The following FN3K variants were observed in gnomAD, a reference collection of about 807,000 sequenced individuals.
FN3K encodes the protein fructosamine 3 kinase, also known as fructosamine-3-kinase.
A neutral mutation model predicts 24.8 loss-of-function variants in FN3K; 24 were observed. The observed-to-expected ratio is 0.97, with a 90% confidence interval of 0.70 to 1.36. The LOEUF is 1.36. Among genes scored for constraint, FN3K ranks in the 40% most tolerant of loss-of-function variants. The probability of loss-of-function intolerance (pLI) is 0.00; values close to 1 mark genes in which losing one functional copy is unlikely to be tolerated. For missense variants in FN3K, 449 were observed against 416.7 expected (o/e 1.08, Z -0.67); for synonymous variants, 192 against 175.2 (o/e 1.10, Z -0.76).
intron 4 of FN3K, chr17:82,742,576 T>C (rs1452015565): frequency 2.6e-6 from 1 of 388,746 alleles, no homozygotes; most frequent in Non-Finnish European, 5.1e-6. Context: ...CTGAATAATA[T>C]TCCATTCTAT....
intron 4 of FN3K, among the ~76,000 whole-genome samples, chr17:82,744,414 G>A (rs1006997402): frequency 4.9e-4 from 75 of 152,154 alleles, no homozygotes; most frequent in African/African-American, 1.3e-3. Flanking sequence ...AAGGTTCCTC[G>A]TGCCCTTCCC....
At chr17:82,748,547 T>A (rs536523034) in intron 4 of FN3K, among the ~76,000 whole-genome samples, 1 of 152,272 alleles carries the variant, frequency 6.6e-6, no homozygotes, top group African/African-American at 2.4e-5. Context: ...CATAACTTAT[T>A]GTTGGATTTG....
intron 4 of FN3K, chr17:82,742,775 T>A (rs1293483029): frequency 1.1e-5 from 5 of 448,936 alleles, no homozygotes; most frequent in African/African-American, 2.0e-5. Context: ...GCACCCATTA[T>A]ATAAGAGCTA....
chr17:82,741,443 A>G (rs2046941031), intron 4 of FN3K, 50 bp downstream of exon 4: 1 of 1,490,304 alleles, frequency 6.7e-7, no homozygotes, highest in African/African-American at 1.4e-5. Flanking sequence ...CTGGTCACCC[A>G]CTCTTTATAT....
At chr17:82,743,594 G>T (rs1276875734) in intron 4 of FN3K, among the ~76,000 whole-genome samples, 1 of 148,558 alleles carries the variant, frequency 6.7e-6, no homozygotes, top group Non-Finnish European at 1.5e-5. Context: ...CAGCTGGGTC[G>T]GCTGTGGTGC....
chr17:82,751,046 C>G lies in FN3K; in HGVS notation c.*291C>G, dbSNP rs1251030985. On this transcript the variant is annotated 3_prime_UTR_variant, in exon 6 of 6. Transcript: ENST00000300784. ...CGTCCCCCCTGCCCCGTCCCCGTCTCCGTTCCCCCGTCCCCATCCTCCATC... is the reference window on the plus strand; with the variant it reads ...CGTCCCCCCTGCCCCGTCCCCGTCTGCGTTCCCCCGTCCCCATCCTCCATC... The G allele has an allele frequency of 5.9e-4, 56 of 94,184 alleles. No homozygotes were observed. The African/African-American group carries it at 0.01, about 17-fold the overall frequency. The allele number at this position is 94,184 out of a possible 1,614,324, so 5.8% of individuals were successfully genotyped here. A position where few individuals can be genotyped will look rare whatever the true frequency, so the allele number is the denominator to read the frequency against.
rs2046937765 is a variant in FN3K at position 82,740,928 on chromosome 17, C to G, written c.385+74C>G. 3 of 977,802 alleles carry G rather than the reference C, an allele frequency of 3.1e-6. No individual in the cohort carries two copies. The East Asian group carries it at 7.2e-5, about 23-fold the overall frequency. The allele number at this position is 977,802 out of a possible 1,614,324, so 60.6% of individuals were successfully genotyped here. On this transcript the variant is annotated intron_variant, in intron 3 of 5. Coordinates refer to ENST00000300784, the MANE Select transcript of FN3K (RefSeq NM_022158.4). ...CCCTAGATGGGTGCTCATGGTACTT[C>G]TTGGTGGCATTTCAATAATAGGTTG...
chr17:82,748,296 C>T (rs55692131), intron 4 of FN3K, among the ~76,000 whole-genome samples: 27,414 of 151,856 alleles, frequency 0.18, 2,977 homozygotes, highest in South Asian at 0.29. Flanking sequence ...TACAGGCCCA[C>T]GCCACCATGC....
At chr17:82,737,636 C>G (rs2046910745) in intron 1 of FN3K, 1 of 152,018 alleles carries the variant, frequency 6.6e-6, no homozygotes, top group Admixed American at 6.6e-5. Flanking sequence ...AACTCCATCT[C>G]TAGTAAAAAT....
At chr17:82,736,122 C>A in intron 1 of FN3K, 1 of 278,766 alleles carries the variant, frequency 3.6e-6, no homozygotes, top group Non-Finnish European at 6.8e-6. Flanking sequence ...GGGAAAGAAG[C>A]AGAGACATGG....
chr17:82,748,863 G>A lies in FN3K; in HGVS notation c.477G>A (p.Glu159=). ...TCCGFIPQVN[E]WQDDWPTFFA... is the part of the protein sequence containing the mutation. ...TTTCCCTTGTTGTCCAGGTGAATGA[G>A]TGGCAGGATGACTGGCCGACCTTTT... Residue 159 remains glutamate, a synonymous_variant, in exon 5 of 6, where the codon GAG becomes GAA. Transcript: ENST00000300784. 5 of 1,612,440 alleles carry A rather than the reference G, an allele frequency of 3.1e-6. No individual in the cohort carries two copies. The highest frequency in any genetic ancestry group is 2.0e-4 in the Middle Eastern group (1 of 5,108).
At chr17:82,740,904 C>T in intron 3 of FN3K, 50 bp downstream of exon 3, 6 of 1,264,102 alleles carry the variant, frequency 4.7e-6, no homozygotes, top group East Asian at 2.3e-5. Context: ...CATTGTCTAC[C>T]CTAGATGGGT....
chr17:82,749,003 G>C (rs1224493294), intron 5 of FN3K, 26 bp downstream of exon 5: 12 of 1,613,818 alleles, frequency 7.4e-6, no homozygotes, highest in African/African-American at 4.0e-5. Flanking sequence ...ACTTCTCTGG[G>C]AAAGAGCTGG....
intron 4 of FN3K, chr17:82,741,614 T>C (rs756271651): frequency 7.8e-6 from 4 of 515,256 alleles, no homozygotes; most frequent in Non-Finnish European, 1.4e-5. Context: ...CAGATCAGCA[T>C]TCCAAGCAGA....
chr17:82,737,193 T>C (rs1022479564), intron 1 of FN3K, among the ~76,000 whole-genome samples: 6 of 152,162 alleles, frequency 3.9e-5, no homozygotes, highest in African/African-American at 9.7e-5. Flanking sequence ...GAAAGGGCGT[T>C]CTGTTCGTGT....
chr17:82,748,103 A>G (rs1279430590), intron 4 of FN3K, among the ~76,000 whole-genome samples: 2 of 149,416 alleles, frequency 1.3e-5, no homozygotes, highest in Non-Finnish European at 3.0e-5. Flanking sequence ...TTGCTTTGAA[A>G]TCTACTTTGT....
intron 1 of FN3K, 149 bp downstream of exon 1, chr17:82,735,926 G>T: frequency 9.6e-7 from 1 of 1,044,588 alleles, no homozygotes; most frequent in East Asian, 2.7e-5. Flanking sequence ...GGTGAGCCCG[G>T]CTCAAGCGTT....
intron 4 of FN3K, among the ~76,000 whole-genome samples, chr17:82,744,633 TAA>T (rs1459361825): frequency 1.4e-5 from 2 of 141,978 alleles, no homozygotes; most frequent in African/African-American, 2.6e-5. Flanking sequence ...TAGAGAGAAA[TAA>T]GGGGACCCAG....
intron 4 of FN3K, among the ~76,000 whole-genome samples, chr17:82,747,695 G>A (rs1334800021): frequency 2.6e-5 from 4 of 152,178 alleles, no homozygotes; most frequent in African/African-American, 2.4e-5. Context: ...CACCAGGCCT[G>A]GCCTTCCTAT....
Sources: gnomAD v4.1 joint callset for allele counts (sites outside exome capture counted in the v4.1 genomes callset) on GRCh38, gnomAD v4.1.1 for gene constraint, MANE v1.5 for transcripts, NCBI Gene and HGNC (gene_info 2026-07-23, HGNC 2026-07-21) for gene names.